The following CHSY1 variants were observed in gnomAD, a reference collection of about 807,000 sequenced individuals.
CHSY1 encodes N-acetylgalactosaminyl-proteoglycan 3-beta-glucuronosyltransferase 1.
A neutral mutation model predicts 59.8 loss-of-function variants in CHSY1; 13 were observed. The observed-to-expected ratio is 0.22, with a 90% CI of 0.14 to 0.35. The LOEUF is 0.35. Among genes scored for constraint, CHSY1 ranks in the 10% least tolerant of loss-of-function variants. The pLI, the probability that CHSY1 is intolerant of heterozygous loss-of-function variation, is 1.00. For synonymous variants in CHSY1, 459 were observed against 401.2 expected, an observed-to-expected ratio of 1.14 and a Z score of -1.72; for missense variants, 947 against 1,030.6, an observed-to-expected ratio of 0.92 and a Z score of 1.11.
chr15:101,214,178 G>C (rs2038709494), intron 2 of CHSY1, among the ~76,000 whole-genome samples: 1 of 152,210 alleles, frequency 6.6e-6, no homozygotes, highest in Admixed American at 6.5e-5. Flanking sequence ...TCTGCTGTCT[G>C]TGTGTGCAGA....
intron 1 of CHSY1, among the ~76,000 whole-genome samples, chr15:101,241,703 T>G (rs1325737502): frequency 6.6e-6 from 1 of 152,232 alleles, no homozygotes; most frequent in Non-Finnish European, 1.5e-5. Flanking sequence ...ACATGTGCTG[T>G]CTGATGGCTA....
intron 2 of CHSY1, among the ~76,000 whole-genome samples, chr15:101,217,293 C>T (rs1336314922): frequency 6.6e-6 from 1 of 151,824 alleles, no homozygotes; most frequent in African/African-American, 2.4e-5. Context: ...TCAATTCATG[C>T]TATCAATTCA....
At chr15:101,201,876 G>A (rs573744843) in intron 2 of CHSY1, among the ~76,000 whole-genome samples, 1 of 152,320 alleles carries the variant, frequency 6.6e-6, no homozygotes, top group East Asian at 1.9e-4. Context: ...CTCCCAGTAG[G>A]TGTCCAGGAG....
At chr15:101,234,686 G>A (rs2038923111) in intron 2 of CHSY1, among the ~76,000 whole-genome samples, 1 of 152,202 alleles carries the variant, frequency 6.6e-6, no homozygotes, top group Admixed American at 6.5e-5. Flanking sequence ...GGCCAGCATG[G>A]TGAAACCTCG....
intron 2 of CHSY1, among the ~76,000 whole-genome samples, chr15:101,194,789 G>C (rs780613145): frequency 1.8e-4 from 27 of 152,176 alleles, no homozygotes; most frequent in Middle Eastern, 6.3e-3. Flanking sequence ...GCATGGGTTG[G>C]GTTGGGAGAA....
chr15:101,219,497 A>G (rs946810034), intron 2 of CHSY1, among the ~76,000 whole-genome samples: 11 of 152,310 alleles, frequency 7.2e-5, no homozygotes, highest in African/African-American at 2.6e-4. Flanking sequence ...CAAATCATAC[A>G]TTTTTAAATC....
At chr15:101,211,378 A>C (rs1047786035) in intron 2 of CHSY1, among the ~76,000 whole-genome samples, 2 of 152,222 alleles carry the variant, frequency 1.3e-5, no homozygotes, top group African/African-American at 4.8e-5. Flanking sequence ...AACTGAAGAG[A>C]TATTAGTATA....
intron 2 of CHSY1, among the ~76,000 whole-genome samples, chr15:101,198,873 C>T (rs752226974): frequency 1.3e-5 from 2 of 152,208 alleles, no homozygotes; most frequent in African/African-American, 4.8e-5. Flanking sequence ...CCTGCAAAAA[C>T]CCTAAAACAT....
intron 1 of CHSY1, among the ~76,000 whole-genome samples, chr15:101,248,406 A>C (rs899947474): frequency 2.6e-5 from 4 of 152,174 alleles, no homozygotes; most frequent in Non-Finnish European, 5.9e-5. Flanking sequence ...GAGGCAAAGG[A>C]CCCTAACTGG....
chr15:101,177,191 T>C lies in CHSY1; in HGVS notation c.*197A>G, dbSNP rs752874302. 1 of 537,664 alleles carries C rather than the reference T, an allele frequency of 1.9e-6. No individual in the cohort carries two copies. The highest frequency in any genetic ancestry group is 2.8e-5 in the South Asian group (1 of 35,636). 33.3% of individuals were successfully genotyped at this position (537,664 alleles called of 1,614,324 possible). Reference sequence around the variant, plus strand: ...AAAGTTAAGCAGGTCTGCTACATAATGTTCAGCAAGAAGATGTGTTCAAAG... The same window carrying C: ...AAAGTTAAGCAGGTCTGCTACATAACGTTCAGCAAGAAGATGTGTTCAAAG... On this transcript the variant is annotated 3_prime_UTR_variant, in exon 3 of 3. Coordinates refer to ENST00000254190, the MANE Select transcript of CHSY1 (RefSeq NM_014918.5).
intron 1 of CHSY1, among the ~76,000 whole-genome samples, chr15:101,244,674 G>C (rs369481492): frequency 6.6e-6 from 1 of 152,140 alleles, no homozygotes; most frequent in South Asian, 2.1e-4. Context: ...ATACACTTTT[G>C]TTTTACTTTA....
intron 2 of CHSY1, among the ~76,000 whole-genome samples, chr15:101,211,354 G>A (rs1487650763): frequency 6.6e-6 from 1 of 152,124 alleles, no homozygotes; most frequent in Non-Finnish European, 1.5e-5. Flanking sequence ...TAGGTGTGAT[G>A]GCAGATTAGA....
intron 2 of CHSY1, among the ~76,000 whole-genome samples, chr15:101,191,044 G>A (rs2038437983): frequency 6.6e-6 from 1 of 152,138 alleles, no homozygotes; most frequent in African/African-American, 2.4e-5. Flanking sequence ...ACTCTTATAG[G>A]ATCCAACAAG....
chr15:101,176,623 G>A lies in CHSY1; in HGVS notation c.*765C>T, dbSNP rs749384044. The A allele has an allele frequency of 2.9e-5, 11 of 377,200 alleles. No individual in the cohort carries two copies. The highest frequency in any genetic ancestry group is 8.3e-5 in the African/African-American group (4 of 48,066). 23.4% of individuals were successfully genotyped at this position (377,200 alleles called of 1,614,324 possible). ...AGCTGGGCTTGCATGGTGAAACCCC[G>A]TCTCTACTAAAAATACAAAAAAACT... is the stretch of plus-strand genomic sequence containing the variant. On this transcript the variant is annotated 3_prime_UTR_variant, in exon 3 of 3. Transcript: ENST00000254190.
At chr15:101,237,397 C>T (rs28570030) in intron 1 of CHSY1, among the ~76,000 whole-genome samples, 47,043 of 151,940 alleles carry the variant, frequency 0.31, 9,997 homozygotes, top group African/African-American at 0.61. Context: ...AGAAGAAGGC[C>T]GAAGGAAGCC....
At chr15:101,241,620 C>T (rs1329689426) in intron 1 of CHSY1, among the ~76,000 whole-genome samples, 1 of 152,094 alleles carries the variant, frequency 6.6e-6, no homozygotes, top group Admixed American at 6.5e-5. Context: ...GATTTTTAAG[C>T]TTTAATAGTT....
In CHSY1 at chr15:101,251,216, G is replaced by A. The variant is rs2039107091; in HGVS notation, c.241C>T (p.Pro81Ser). 1 of 1,593,684 alleles carries A rather than the reference G, an allele frequency of 6.3e-7. No homozygotes were observed. Among genetic ancestry groups the A allele is most frequent in the Non-Finnish European group, 8.5e-7 (1 of 1,174,240 alleles). The change falls in exon 1 of 3, where the codon CCG (proline) becomes TCG (serine). Residue 81 changes from proline (P) to serine (S), a missense_variant. Physicochemically the swap from Pro to Ser is moderately conservative, Grantham distance 74 (BLOSUM62 -1). Transcript: ENST00000254190. ...ACGAAGAGAAAGTTCCTGTCGCGCGGGCCGCCATCTGGGTCCGAGCCGGGC... is the reference window on the plus strand; with the variant it reads ...ACGAAGAGAAAGTTCCTGTCGCGCGAGCCGCCATCTGGGTCCGAGCCGGGC... ...WPPGSDPDGG[P>S]RDRNFLFVGV...
At chr15:101,249,070 T>C (rs930497766) in intron 1 of CHSY1, among the ~76,000 whole-genome samples, 4 of 151,548 alleles carry the variant, frequency 2.6e-5, no homozygotes, top group East Asian at 3.9e-4. Context: ...CCCAAAGTGC[T>C]GGGATGACAG....
At chr15:101,222,872 G>A (rs1179015252) in intron 2 of CHSY1, among the ~76,000 whole-genome samples, 1 of 152,154 alleles carries the variant, frequency 6.6e-6, no homozygotes, top group African/African-American at 2.4e-5. Context: ...CTCCATTCAG[G>A]AGCCTCGAGT....
Sources: gnomAD v4.1 joint callset for allele counts (sites outside exome capture counted in the v4.1 genomes callset) on GRCh38, gnomAD v4.1.1 for gene constraint, MANE v1.5 for transcripts, NCBI Gene and HGNC (gene_info 2026-07-23, HGNC 2026-07-21) for gene names.